The following GUK1 variants were observed in gnomAD, a reference collection of about 807,000 sequenced individuals.
GUK1 encodes the protein guanylate kinase 1, also known as guanylate kinase.
GUK1 carries 18 observed loss-of-function variants against 25.2 expected under a neutral mutation model. The ratio of observed to expected loss-of-function variants is 0.71; its 90% CI spans 0.49 to 1.06. GUK1 has a LOEUF of 1.06. Ranked by LOEUF, GUK1 falls within the 50% of genes least tolerant of loss-of-function variation. GUK1 has a pLI of 0.00. For synonymous variants in GUK1, 105 were observed against 117.6 expected, an observed-to-expected ratio of 0.89 and a Z score of 0.69; for missense variants, 261 against 276.7, an observed-to-expected ratio of 0.94 and a Z score of 0.40.
intron 4 of GUK1, chr1:228,146,597 A>G: frequency 1.8e-6 from 1 of 546,786 alleles, no homozygotes; most frequent in Non-Finnish European, 3.3e-6. Flanking sequence ...CCAACTCCCA[A>G]CTCCCCACTG....
chr1:228,146,164 C>T lies in GUK1; in HGVS notation c.154+97C>T, dbSNP rs192402126. 7.7e-6 allele frequency: 6 copies of T among 784,150 alleles called. No homozygotes were observed. In the African/African-American group the frequency reaches 8.5e-5, roughly 11 times the overall value. The allele number at this position is 784,150 out of a possible 1,614,324, so 48.6% of individuals were successfully genotyped here. On this transcript the variant is annotated intron_variant, in intron 4 of 8. Transcript: ENST00000312726. ...TGGCTGTGCTGCCCGTCTCCTGCCC[C>T]CATCAATCCCTAATCTGTGAGATGG...
chr1:228,145,699 A>G, intron 3 of GUK1, 75 bp downstream of exon 2: 7 of 1,532,454 alleles, frequency 4.6e-6, no homozygotes, highest in Non-Finnish European at 6.2e-6. Flanking sequence ...TGAGCAGGCC[A>G]GGAGCCCAAA....
chr1:228,147,756 T>A (rs1402035355), intron 7 of GUK1, 57 bp downstream of exon 6: 1 of 1,510,150 alleles, frequency 6.6e-7, no homozygotes, highest in Non-Finnish European at 9.1e-7. Context: ...GGTTCTGAGG[T>A]CTGTGGCACC....
chr1:228,140,433 CG>C lies in GUK1; in HGVS notation c.-168+71del. On this transcript the variant is annotated intron_variant, in intron 1 of 8. Transcript: ENST00000312726. ...GGCAGCGGTCCCTGCGCTTTGCGGT[CG>C]CCCAGTCCACGCCGCCTCCGGATCT... 7 of 1,124,712 alleles carry C rather than the reference CG, an allele frequency of 6.2e-6. No homozygotes were observed. The South Asian group carries it at 1.1e-4, about 18-fold the overall frequency. 69.7% of individuals were successfully genotyped at this position (1,124,712 alleles called of 1,614,324 possible). A position where few individuals can be genotyped will look rare whatever the true frequency, so the allele number is the denominator to read the frequency against.
At chr1:228,146,221 CAG>C (rs112695034) in intron 4 of GUK1, 154 bp downstream of exon 3, 7,338 of 616,742 alleles carry the variant, frequency 0.012, 82 homozygotes, top group African/African-American at 0.037. Flanking sequence ...TGAACTCAAT[CAG>C]GGTGTCAGCG....
chr1:228,144,637 G>A, intron 2 of GUK1: 8 of 772,144 alleles, frequency 1.0e-5, no homozygotes, highest in Non-Finnish European at 1.1e-5. Context: ...TCGTGGCTTA[G>A]AAGGGTGGGG....
upstream of GUK1, chr1:228,140,102 C>G (rs1164614775): frequency 1.8e-6 from 1 of 551,376 alleles, no homozygotes; most frequent in Non-Finnish European, 3.2e-6. Flanking sequence ...CTGTGCTGAA[C>G]GCCCCTGCGG....
intron 2 of GUK1, among the ~76,000 whole-genome samples, chr1:228,142,280 C>T (rs1041485665): frequency 4.6e-5 from 7 of 152,380 alleles, no homozygotes; most frequent in Non-Finnish European, 1.0e-4. Context: ...TCAGGGGACC[C>T]AGGAAGAGCG....
intron 2 of GUK1, chr1:228,141,637 G>C (rs765252003): frequency 4.2e-6 from 5 of 1,199,338 alleles, no homozygotes; most frequent in Non-Finnish European, 5.3e-6. Context: ...CCTTAGGATG[G>C]CTGGAAGCCA....
chr1:228,148,106 T>C, intron 7 of GUK1: 1 of 595,498 alleles, frequency 1.7e-6, no homozygotes, highest in South Asian at 2.0e-5. Flanking sequence ...GTGTAGAGGA[T>C]AGTGTAGCCC....
At chr1:228,148,554 T>C in intron 8 of GUK1, 98 bp downstream of exon 7, 1 of 1,375,140 alleles carries the variant, frequency 7.3e-7, no homozygotes, top group Non-Finnish European at 1.0e-6. Flanking sequence ...GATGGGACAG[T>C]CCTACCCAAG....
intron 1 of GUK1, among the ~76,000 whole-genome samples, chr1:228,140,907 G>T (rs1456799767): frequency 1.3e-5 from 2 of 152,270 alleles, no homozygotes; most frequent in Non-Finnish European, 2.9e-5. Context: ...CAGAGTCCGG[G>T]TTGGGGTTCT....
chr1:228,148,332 A>C lies in GUK1; in HGVS notation c.476-39A>C, dbSNP rs74141000. On this transcript the variant is annotated intron_variant, in intron 7 of 8. Coordinates refer to ENST00000312726, the MANE Select transcript of GUK1 (RefSeq NM_000858.7). Reference sequence around the variant, plus strand: ...CGTGTGGGACCTGGGGTGGGGCTGCATGGGCTCACTGTGCCCTGACCCCAG... The same window carrying C: ...CGTGTGGGACCTGGGGTGGGGCTGCCTGGGCTCACTGTGCCCTGACCCCAG... The C allele has an allele frequency of 1.4e-3, 2,027 of 1,422,022 alleles. 20 individuals carry two copies. The African/African-American group carries it at 0.025, about 18-fold the overall frequency. 88.1% of individuals were successfully genotyped at this position (1,422,022 alleles called of 1,614,324 possible).
chr1:228,145,357 G>A, intron 2 of GUK1, 154 bp from the exon 2 acceptor site: 1 of 750,830 alleles, frequency 1.3e-6, no homozygotes, highest in Non-Finnish European at 2.0e-6. Context: ...AGAGCTCAGG[G>A]GGAAGAACAC....
At chr1:228,145,242 G>A (rs970976975) in intron 2 of GUK1, 2 of 270,820 alleles carry the variant, frequency 7.4e-6, no homozygotes, top group Non-Finnish European at 7.0e-6. Flanking sequence ...CAGTTGGGGG[G>A]CTCCCCTGCT....
chr1:228,142,536 G>A (rs2034119442), intron 2 of GUK1, among the ~76,000 whole-genome samples: 2 of 152,098 alleles, frequency 1.3e-5, no homozygotes, highest in African/African-American at 4.8e-5. Flanking sequence ...GCGGGGTAAG[G>A]GTGGTGCAGG....
chr1:228,148,409 G>C lies in GUK1; in HGVS notation c.514G>C (p.Asp172His). ...CCTGTTTGATGTGGTCATCATTAAC[G>C]ACAGCCTGGACCAGGCCTACGCAGA... Residue 172 changes from aspartate (D) to histidine (H), a missense_variant, in exon 8 of 9, where the codon GAC (aspartate) becomes CAC (histidine). Asp to His is a moderately conservative substitution (Grantham distance 81). Transcript: ENST00000312726. The C allele has an allele frequency of 6.4e-7, 1 of 1,559,878 alleles. No homozygotes were observed. The highest frequency in any genetic ancestry group is 8.7e-7 in the Non-Finnish European group (1 of 1,148,372).
chr1:228,141,788 C>T lies in GUK1; in HGVS notation c.-3+500C>T, dbSNP rs555730852. ...ATCTGCGCCGGCGGCTCCCAGGAGA[C>T]CTTCCATCTCGGAGCTCCTGTGGAG... On this transcript the variant is annotated intron_variant, in intron 2 of 8. Transcript: ENST00000312726. The T allele has an allele frequency of 1.0e-4, 130 of 1,263,702 alleles. No individual in the cohort carries two copies. In the African/African-American group the frequency reaches 1.9e-3, roughly 19 times the overall value. The allele number at this position is 1,263,702 out of a possible 1,614,324, so 78.3% of individuals were successfully genotyped here.
At chr1:228,140,191 G>A, upstream of GUK1, 1 of 863,146 alleles carries the variant, frequency 1.2e-6, no homozygotes, top group Non-Finnish European at 1.8e-6. Flanking sequence ...GGGGAAGAAC[G>A]AGTGAGACAT....
Sources: allele counts gnomAD v4.1 joint callset (sites outside exome capture counted in the v4.1 genomes callset), GRCh38; gene constraint gnomAD v4.1.1; transcripts MANE v1.5; gene names NCBI Gene and HGNC (gene_info 2026-07-23, HGNC 2026-07-21).